Variants in PIGF observed in about 807,000 individuals in gnomAD.
PIGF encodes the protein GPI ethanolamine phosphate transferase, stabilizing subunit.
A neutral mutation model predicts 26.0 loss-of-function variants in PIGF; 23 were observed. That is an observed-to-expected ratio of 0.88 (90% CI 0.64 to 1.25). The LOEUF is 1.25. PIGF is among the 50% of genes most tolerant of loss of function. PIGF has a pLI of 0.00. For missense variants in PIGF, 278 were observed against 249.9 expected (o/e 1.11, Z -0.76); for synonymous variants, 93 against 92.6 (o/e 1.00, Z -0.03).
rs1670563721 is a variant in PIGF at position 46,615,014 on chromosome 2, C to A, written c.151G>T (p.Val51Leu). 12 of 1,609,706 alleles carry A rather than the reference C, an allele frequency of 7.5e-6. No homozygotes were observed. Among genetic ancestry groups the A allele is most frequent in the Non-Finnish European group, 9.4e-6 (11 of 1,176,110 alleles). ...LTWLCICSGF[V>L]TAVNLVLYLV... is the part of the protein sequence containing the mutation. ...TATAGTACTAGATTGACAGCAGTTA[C>A]AAAACCAGAACAGATGCACAACCAT... The change falls in exon 2 of 6, where the codon GTA becomes TTA. Residue 51 changes from valine to leucine, a missense_variant. Transcript: ENST00000281382.
At chr2:46,601,013 T>A (rs1236572815) in intron 4 of PIGF, among the ~76,000 whole-genome samples, 1 of 152,008 alleles carries the variant, frequency 6.6e-6, no homozygotes, top group African/African-American at 2.4e-5. Flanking sequence ...TTTCTATATT[T>A]TTCTGTTTGA....
At chr2:46,583,117 C>T (rs1378745252) in intron 5 of PIGF, 1 of 152,102 alleles carries the variant, frequency 6.6e-6, no homozygotes, top group Admixed American at 6.6e-5. Flanking sequence ...ACATTTCCAA[C>T]TTGCCTTTGG....
chr2:46,609,987 A>G (rs1670358604), intron 4 of PIGF, among the ~76,000 whole-genome samples: 1 of 152,218 alleles, frequency 6.6e-6, no homozygotes, highest in South Asian at 2.1e-4. Context: ...TTCAATTTAT[A>G]AAAAACAGTA....
At chr2:46,608,275 T>C (rs1670286835) in intron 4 of PIGF, among the ~76,000 whole-genome samples, 2 of 152,246 alleles carry the variant, frequency 1.3e-5, no homozygotes, top group Admixed American at 1.3e-4. Context: ...TTCTTTCTCA[T>C]CCAGAAGTAA....
rs1288852638 is a variant in PIGF, at chr2:46,581,264, A to T, written c.*214T>A. On this transcript the variant is annotated 3_prime_UTR_variant, in exon 6 of 6. Transcript: ENST00000281382. ...GTTCCTTAAAGGTTTAAGAAGCAGT[A>T]AGCAGCATCTGAAGCCACAATCTAT... 1.1e-6 allele frequency: 1 copy of T among 948,752 alleles called. No homozygotes were observed. Among genetic ancestry groups the T allele is most frequent in the Non-Finnish European group, 1.5e-6 (1 of 646,922 alleles). 58.8% of individuals were successfully genotyped at this position (948,752 alleles called of 1,614,324 possible).
intron 4 of PIGF, among the ~76,000 whole-genome samples, chr2:46,611,545 A>T (rs372078527): frequency 8.5e-5 from 13 of 152,284 alleles, no homozygotes; most frequent in Non-Finnish European, 1.8e-4. Flanking sequence ...GCATAACACA[A>T]TAACACAGAG....
intron 4 of PIGF, among the ~76,000 whole-genome samples, chr2:46,610,311 T>A (rs1019730991): frequency 6.6e-6 from 1 of 152,126 alleles, no homozygotes; most frequent in Non-Finnish European, 1.5e-5. Flanking sequence ...TTATTAGACA[T>A]AGACTTGAAA....
At chr2:46,612,752 C>T (rs1296028685) in intron 3 of PIGF, among the ~76,000 whole-genome samples, 1 of 152,138 alleles carries the variant, frequency 6.6e-6, no homozygotes. Context: ...TGGTTCTCTA[C>T]AACTAGTGGT....
chr2:46,588,170 C>T lies in PIGF; in HGVS notation c.546+4305G>A. The T allele has an allele frequency of 6.2e-7, 1 of 1,612,148 alleles. No homozygotes were observed. The highest frequency in any genetic ancestry group is 8.5e-7 in the Non-Finnish European group (1 of 1,179,132). On this transcript the variant is annotated intron_variant, in intron 5 of 5. Coordinates refer to ENST00000281382, the MANE Select transcript of PIGF (RefSeq NM_002643.4). The surrounding 1 kb of genome is among the most constrained non-coding windows in gnomAD (Gnocchi z 4.1). ...GATCTATAAGTGCTACGTTTTCTTT[C>T]TACTGTCATCTGAAATGTCAGACAG...
rs747263045 is a variant in PIGF, at chr2:46,598,529, A to ATTTTTTTTTTTTTTT, written c.438-5961_438-5947dup. Among the ~76,000 whole-genome samples the ATTTTTTTTTTTTTTT allele has an allele frequency of 2.1e-3, 217 of 103,492 alleles. 16 individuals are homozygous for ATTTTTTTTTTTTTTT. Among genetic ancestry groups the ATTTTTTTTTTTTTTT allele is most frequent in the African/African-American group, 4.8e-3 (107 of 22,402 alleles). The allele number at this position is 103,492 out of a possible 152,430, so 67.9% of individuals were successfully genotyped here. On this transcript the variant is annotated intron_variant, in intron 4 of 5. Transcript: ENST00000281382. ...ATAAACTTTCTTAAAACATTATGAG[A>ATTTTTTTTTTTTTTT]TTTTTTTTTTTTTTTTTTTTTTTTA...
chr2:46,613,630 T>C (rs1558712607), intron 3 of PIGF, 64 bp downstream of exon 3: 5 of 1,231,666 alleles, frequency 4.1e-6, no homozygotes, highest in East Asian at 5.2e-5. Flanking sequence ...TGCTAAGAAT[T>C]AGCACACAGT....
chr2:46,596,542 G>T (rs560678415), intron 4 of PIGF, among the ~76,000 whole-genome samples: 1 of 151,818 alleles, frequency 6.6e-6, no homozygotes, highest in East Asian at 1.9e-4. Context: ...TAAAGTAAAG[G>T]AGTACAATTA....
chr2:46,581,703 G>A (rs1346869410), intron 5 of PIGF, 112 bp from the exon 6 acceptor site: 15 of 1,431,066 alleles, frequency 1.0e-5, no homozygotes, highest in Non-Finnish European at 1.4e-5. Flanking sequence ...CTTAAAGAAT[G>A]CCAAAAGTGT....
intron 1 of PIGF, 179 bp from the exon 2 acceptor site, chr2:46,615,364 T>G: frequency 2.2e-6 from 1 of 453,028 alleles, no homozygotes; most frequent in Non-Finnish European, 4.0e-6. Flanking sequence ...TATTCTACCT[T>G]TGATTTTCTT....
intron 4 of PIGF, among the ~76,000 whole-genome samples, chr2:46,608,369 C>T (rs759036032): frequency 3.3e-4 from 50 of 152,190 alleles, no homozygotes; most frequent in Non-Finnish European, 5.7e-4. Context: ...AGTTCTCTGG[C>T]TATTTCCACC....
At chr2:46,590,119 C>A (rs1209699429) in intron 5 of PIGF, among the ~76,000 whole-genome samples, 1 of 151,868 alleles carries the variant, frequency 6.6e-6, no homozygotes, top group Admixed American at 6.6e-5. Context: ...ATGAAACACT[C>A]TTAATGGAAA....
In PIGF at chr2:46,617,008, T is replaced by G. The variant is rs563782489; in HGVS notation, c.-60A>C. ...CCGCGGAAGGGAAGCGGGGAACTAC[T>G]GCCTCCTACCATCAGGTACGACGGG... On this transcript the variant is annotated 5_prime_UTR_variant, in exon 1 of 6. Transcript: ENST00000281382. 1.8e-6 allele frequency: 1 copy of G among 571,186 alleles called. No individual in the cohort carries two copies. Among genetic ancestry groups the G allele is most frequent in the Admixed American group, 3.2e-5 (1 of 31,014 alleles). 35.4% of individuals were successfully genotyped at this position (571,186 alleles called of 1,614,324 possible). A position where few individuals can be genotyped will look rare whatever the true frequency, so the allele number is the denominator to read the frequency against.
intron 1 of PIGF, 28 bp downstream of exon 1, chr2:46,616,942 G>A (rs1164744002): frequency 6.5e-6 from 2 of 307,560 alleles, no homozygotes; most frequent in African/African-American, 2.5e-4. Context: ...CGTGAGGCGA[G>A]ACGCCGAGGG....
chr2:46,583,719 T>A (rs1354716940), intron 5 of PIGF, among the ~76,000 whole-genome samples: 2 of 152,162 alleles, frequency 1.3e-5, no homozygotes, highest in Non-Finnish European at 2.9e-5. Context: ...TCAATAGAAA[T>A]TCAGACTAAT....
Sources: allele counts gnomAD v4.1 joint callset (sites outside exome capture counted in the v4.1 genomes callset), GRCh38; gene constraint gnomAD v4.1.1; non-coding constraint Gnocchi (gnomAD v3.1); transcripts MANE v1.5; gene names NCBI Gene and HGNC (gene_info 2026-07-23, HGNC 2026-07-21).